RTL9: variants seen among roughly 807,000 people sequenced by gnomAD.
RTL9 encodes the protein retrotransposon Gag-like protein 9.
Under a neutral mutation model 44.7 loss-of-function variants are expected in RTL9, and 19 were observed. That is an observed-to-expected ratio of 0.42 (90% CI 0.30 to 0.62). RTL9 has a LOEUF of 0.62. Ranked by LOEUF, RTL9 falls within the 20% of genes least tolerant of loss-of-function variation. The probability of loss-of-function intolerance (pLI) is 0.16; values close to 1 mark genes in which losing one functional copy is unlikely to be tolerated. For synonymous variants in RTL9, 407 were observed against 398.9 expected (o/e 1.02, Z -0.24); for missense variants, 1,105 against 1,080.6 (o/e 1.02, Z -0.32).
chrX:110,435,792 G>C (rs2068834918), intron 1 of RTL9, among the ~76,000 whole-genome samples: 1 of 111,975 alleles, frequency 8.9e-6, no homozygotes, highest in South Asian at 3.7e-4. Context: ...TATAAACCCT[G>C]TTTATATATA....
At chrX:110,456,247 A>G (rs772822958) in exon 2 of RTL9, 1 of 112,441 alleles carries the variant, frequency 8.9e-6, no homozygotes, top group South Asian at 3.7e-4. Context: ...TCTTCCTTCT[A>G]CTTCTCTATA....
At chrX:110,389,138 T>C (rs922205434) in intron 1 of RTL9, among the ~76,000 whole-genome samples, 1 of 112,537 alleles carries the variant, frequency 8.9e-6, no homozygotes, top group African/African-American at 3.2e-5. Context: ...TTGAACAGGA[T>C]TCTTTACGGC....
At chrX:110,421,685 C>T (rs2068718523) in intron 1 of RTL9, among the ~76,000 whole-genome samples, 1 of 112,814 alleles carries the variant, frequency 8.9e-6, no homozygotes. Context: ...TTCAACTCAT[C>T]GATCCTCTTC....
chrX:110,409,553 C>T (rs1185633974), intron 1 of RTL9, among the ~76,000 whole-genome samples: 1 of 111,366 alleles, frequency 9.0e-6, no homozygotes, highest in Non-Finnish European at 1.9e-5. Flanking sequence ...TACGTATAAT[C>T]TGTCAATGCC....
exon 1 of RTL9, chrX:110,454,051 C>A (rs2068965209): frequency 5.0e-6 from 6 of 1,210,469 alleles, no homozygotes; most frequent in Non-Finnish European, 6.7e-6. Flanking sequence ...GGAATGTTGA[C>A]CCCAGCACTC....
chrX:110,443,973 G>A (rs2068895887), intron 1 of RTL9, among the ~76,000 whole-genome samples: 1 of 112,200 alleles, frequency 8.9e-6, no homozygotes, highest in Non-Finnish European at 1.9e-5. Context: ...GAGGATCAAG[G>A]CTATGGACCT....
At chrX:110,414,489 A>T (rs1602985772), upstream of RTL9, among the ~76,000 whole-genome samples, 1 of 112,855 alleles carries the variant, frequency 8.9e-6, no homozygotes, top group East Asian at 2.8e-4. Context: ...GGTGCTTTGC[A>T]TGCAGTGTTT....
At chrX:110,392,693 T>C (rs895326649) in intron 1 of RTL9, among the ~76,000 whole-genome samples, 9 of 111,979 alleles carry the variant, frequency 8.0e-5, no homozygotes, top group African/African-American at 2.9e-4. Context: ...ATTCAGATCA[T>C]TGTGCCTAGA....
At chrX:110,448,708 G>T (rs922267193), upstream of RTL9, among the ~76,000 whole-genome samples, 1 of 108,157 alleles carries the variant, frequency 9.2e-6, no homozygotes, top group Non-Finnish European at 1.9e-5. Context: ...GGGCAGGGGG[G>T]CGTGGCAGGG....
upstream of RTL9, among the ~76,000 whole-genome samples, chrX:110,448,854 C>T (rs902425894): frequency 2.7e-5 from 3 of 111,424 alleles, no homozygotes; most frequent in Non-Finnish European, 3.8e-5. Context: ...CCCTCTTCTC[C>T]GTCACTGGCA....
chrX:110,455,135 C>T lies in RTL9; in HGVS notation c.4048-67C>T, dbSNP rs1035193446. On this transcript the variant is annotated intron_variant, in intron 1 of 1. Coordinates refer to ENST00000540313, the Ensembl canonical transcript of RTL9. ...TGATCTGCTAAGTCACAGAACTTAT[C>T]CAGGCAGAACACCCGTTGCCATAGT... 55 of 1,182,874 alleles carry T rather than the reference C, an allele frequency of 4.6e-5. No individual in the cohort carries two copies. In the South Asian group the frequency reaches 1.0e-3, roughly 22 times the overall value.
At chrX:110,406,250 C>T (rs1455336194) in intron 1 of RTL9, among the ~76,000 whole-genome samples, 1 of 109,754 alleles carries the variant, frequency 9.1e-6, no homozygotes, top group South Asian at 4.0e-4. Context: ...AATGCTATCC[C>T]TCCCCTAGCC....
chrX:110,415,009 C>T (rs917711971), upstream of RTL9, among the ~76,000 whole-genome samples: 1 of 111,835 alleles, frequency 8.9e-6, no homozygotes, highest in African/African-American at 3.3e-5. Flanking sequence ...CCCTTTCCTG[C>T]CCACTTTAAA....
In RTL9 at chrX:110,409,119, A is replaced by T. The variant is rs189174153; in HGVS notation, c.-167-36034A>T. 2.7e-5 allele frequency among the ~76,000 whole-genome samples: 3 copies of T among 111,704 alleles called. No homozygotes were observed. In the East Asian group the frequency reaches 8.4e-4, roughly 31 times the overall value. ...AATAATGAATAATGAATGTGGATGC[A>T]AGCACACAGCTGGAGTCAGGCATGT... On this transcript the variant is annotated intron_variant, in intron 1 of 2. Coordinates refer to the RTL9 transcript ENST00000520821.
chrX:110,446,784 C>T (rs976363203), upstream of RTL9, among the ~76,000 whole-genome samples: 1 of 111,554 alleles, frequency 9.0e-6, no homozygotes, highest in African/African-American at 3.3e-5. Flanking sequence ...CACCATGATT[C>T]GTTTAATCAT....
chrX:110,446,491 GA>G (rs1293287028), upstream of RTL9, among the ~76,000 whole-genome samples: 3 of 110,470 alleles, frequency 2.7e-5, no homozygotes, highest in African/African-American at 9.9e-5. Context: ...GAACCCTAGG[GA>G]AACATATCTT....
intron 1 of RTL9, among the ~76,000 whole-genome samples, chrX:110,443,443 T>C (rs2068893435): frequency 8.9e-6 from 1 of 112,274 alleles, no homozygotes; most frequent in Non-Finnish European, 1.9e-5. Flanking sequence ...ACCACACTTT[T>C]ATTTTGAGAA....
At chrX:110,383,426 C>T (rs1216786381) in intron 1 of RTL9, among the ~76,000 whole-genome samples, 2 of 111,301 alleles carry the variant, frequency 1.8e-5, no homozygotes, top group Non-Finnish European at 3.8e-5. Context: ...TTACAGTAGA[C>T]ATCATATTAG....
At chrX:110,437,411 C>T (rs1024923440) in intron 1 of RTL9, among the ~76,000 whole-genome samples, 1 of 112,213 alleles carries the variant, frequency 8.9e-6, no homozygotes, top group African/African-American at 3.2e-5. Context: ...ATGATAGCTC[C>T]TATTACTGTG....
Sources: allele counts gnomAD v4.1 joint callset (sites outside exome capture counted in the v4.1 genomes callset), GRCh38; gene constraint gnomAD v4.1.1; transcripts MANE v1.5; gene names NCBI Gene and HGNC (gene_info 2026-07-23, HGNC 2026-07-21).